TRIO: variants seen among roughly 807,000 people sequenced by gnomAD.
The protein encoded by TRIO is trio Rho guanine nucleotide exchange factor.
In TRIO, 58 loss-of-function variants were observed where a neutral mutation model predicts 351.9. The observed-to-expected ratio is 0.16, with a 90% CI of 0.13 to 0.21. TRIO has a LOEUF of 0.21. Among genes scored for constraint, TRIO ranks in the 10% least tolerant of loss-of-function variants. TRIO has a pLI of 1.00. For synonymous variants in TRIO, 1,758 were observed against 1,595.7 expected (o/e 1.10, Z -2.42); for missense variants, 3,201 against 4,027.8 (o/e 0.79, Z 5.56).
intron 4 of TRIO, among the ~76,000 whole-genome samples, chr5:14,287,669 C>T (rs991292846): frequency 6.6e-6 from 1 of 152,166 alleles, no homozygotes; most frequent in Non-Finnish European, 1.5e-5. Context: ...AACCTCCTCT[C>T]CTTAAGCTAC....
chr5:14,276,143 C>T (rs1735501886), intron 2 of TRIO, among the ~76,000 whole-genome samples: 1 of 151,622 alleles, frequency 6.6e-6, no homozygotes, highest in Non-Finnish European at 1.5e-5. Flanking sequence ...GGATTTGATG[C>T]CTTAAGGTTT....
At chr5:14,147,241 G>A (rs1472484329) in intron 1 of TRIO, among the ~76,000 whole-genome samples, 1 of 152,138 alleles carries the variant, frequency 6.6e-6, no homozygotes, top group Non-Finnish European at 1.5e-5. Flanking sequence ...GAGGTTTCAT[G>A]ACTTGCCCCC....
intron 1 of TRIO, among the ~76,000 whole-genome samples, chr5:14,159,924 T>C (rs1581249880): frequency 2.6e-5 from 4 of 152,346 alleles, no homozygotes. Context: ...GACCGAGACA[T>C]AGAGTATGTT....
At chr5:14,158,935 A>G (rs1273541651) in intron 1 of TRIO, among the ~76,000 whole-genome samples, 1 of 152,256 alleles carries the variant, frequency 6.6e-6, no homozygotes, top group Non-Finnish European at 1.5e-5. Context: ...TACTATGTAT[A>G]AGCCACTTAA....
At chr5:14,352,664 C>G (rs1481561445) in intron 11 of TRIO, among the ~76,000 whole-genome samples, 1 of 152,132 alleles carries the variant, frequency 6.6e-6, no homozygotes, top group African/African-American at 2.4e-5. Flanking sequence ...CCTGTAGGAC[C>G]AGACAGAAAA....
chr5:14,497,769 A>G lies in TRIO; in HGVS notation c.8020-78A>G. 6.3e-7 allele frequency: 1 copy of G among 1,579,178 alleles called. No homozygotes were observed. The highest frequency in any genetic ancestry group is 8.7e-7 in the Non-Finnish European group (1 of 1,149,078). ...AGTTTCTGCAAATCTTTCAACAATA[A>G]TTGTAGCCCTGGAATGAAAGGAATA... On this transcript the variant is annotated intron_variant, in intron 50 of 56. Coordinates refer to ENST00000344204, the MANE Select transcript of TRIO (RefSeq NM_007118.4). This position sits in a 1 kb window ranked among gnomAD's most constrained non-coding sequence, Gnocchi z 4.4.
chr5:14,214,074 C>A (rs1327774076), intron 1 of TRIO, among the ~76,000 whole-genome samples: 1 of 152,228 alleles, frequency 6.6e-6, no homozygotes, highest in African/African-American at 2.4e-5. Flanking sequence ...GTCAGGCAAG[C>A]CGCAGTCAGG....
At chr5:14,196,248 C>T (rs1790761444) in intron 1 of TRIO, among the ~76,000 whole-genome samples, 1 of 151,862 alleles carries the variant, frequency 6.6e-6, no homozygotes, top group African/African-American at 2.4e-5. Flanking sequence ...ATGGTGAAAA[C>T]CCCCTCTCTA....
At chr5:14,296,274 A>G (rs554888009) in intron 6 of TRIO, among the ~76,000 whole-genome samples, 3 of 152,322 alleles carry the variant, frequency 2.0e-5, no homozygotes, top group South Asian at 2.1e-4. Context: ...TAAAAAATAC[A>G]TGAACAACAG....
intron 33 of TRIO, among the ~76,000 whole-genome samples, chr5:14,411,101 C>T (rs1325992942): frequency 1.3e-5 from 2 of 152,272 alleles, no homozygotes; most frequent in South Asian, 2.1e-4. Context: ...TGGGGCACTG[C>T]AGGAGATCCA....
At chr5:14,407,113 C>T (rs545910237) in intron 33 of TRIO, among the ~76,000 whole-genome samples, 4 of 152,194 alleles carry the variant, frequency 2.6e-5, no homozygotes, top group African/African-American at 9.6e-5. Context: ...CTTACAGGTT[C>T]TGGGGATCAC....
In TRIO at chr5:14,316,638, C is replaced by T. The variant is rs764781866; in HGVS notation, c.1626C>T (p.His542=). The change falls in exon 9 of 57, where the codon CAC becomes CAT. Residue 542 remains histidine, a synonymous_variant. Coordinates refer to ENST00000344204, the MANE Select transcript of TRIO (RefSeq NM_007118.4). ...KAVHHVLDVI[H]EVLHHQRQLE... ...TGCACCATGTCCTGGATGTCATCCA[C>T]GAGGTGCTGCACCACCAGCGGCAGC... 19 of 1,614,082 alleles carry T rather than the reference C, an allele frequency of 1.2e-5. No individual in the cohort carries two copies. Among genetic ancestry groups the T allele is most frequent in the Non-Finnish European group, 1.4e-5 (16 of 1,180,042 alleles).
chr5:14,385,433 A>G (rs1228517989), intron 21 of TRIO, among the ~76,000 whole-genome samples: 1 of 152,268 alleles, frequency 6.6e-6, no homozygotes, highest in Admixed American at 6.5e-5. Context: ...ACCTAAACAC[A>G]GGCGAGGACT....
At position 14,371,952 on chromosome 5, in the gene TRIO, T is replaced by C. The variant is rs534849913; in HGVS notation, c.3217-2277T>C. Reference sequence around the variant, plus strand: ...CCTCCACACCTGGCCTATAAATGTCTTTTTATACATGGTTTTAATTAAAAT... The same window carrying C: ...CCTCCACACCTGGCCTATAAATGTCCTTTTATACATGGTTTTAATTAAAAT... On this transcript the variant is annotated intron_variant, in intron 18 of 56. Transcript: ENST00000344204. Among the ~76,000 whole-genome samples, 221 of 152,322 alleles carry C rather than the reference T, an allele frequency of 1.5e-3. 1 individual carries two copies. The highest frequency in any genetic ancestry group is 2.5e-3 in the Non-Finnish European group (169 of 68,026).
intron 8 of TRIO, among the ~76,000 whole-genome samples, chr5:14,313,163 C>A (rs1055266566): frequency 6.6e-6 from 1 of 152,196 alleles, no homozygotes; most frequent in Non-Finnish European, 1.5e-5. Context: ...TTTACTGCCG[C>A]TGTCACTATC....
intron 1 of TRIO, among the ~76,000 whole-genome samples, chr5:14,196,387 C>T (rs1790770134): frequency 1.4e-5 from 2 of 142,226 alleles, no homozygotes; most frequent in South Asian, 2.2e-4. Context: ...CACACCACTG[C>T]ACTCCAGCCT....
intron 8 of TRIO, among the ~76,000 whole-genome samples, chr5:14,315,726 G>A (rs142499677): frequency 8.1e-4 from 123 of 152,162 alleles, no homozygotes; most frequent in African/African-American, 2.6e-3. Flanking sequence ...AACATCTGGC[G>A]TAATTAATTA....
intron 34 of TRIO, among the ~76,000 whole-genome samples, chr5:14,426,456 CAG>C (rs1289799282): frequency 6.6e-6 from 1 of 152,202 alleles, no homozygotes; most frequent in African/African-American, 2.4e-5. Flanking sequence ...TATTTCCACA[CAG>C]AGGCTCCCAT....
At chr5:14,233,802 TTTTG>T (rs1179814970) in intron 1 of TRIO, among the ~76,000 whole-genome samples, 1 of 152,136 alleles carries the variant, frequency 6.6e-6, no homozygotes, top group Non-Finnish European at 1.5e-5. Context: ...GTGTTTTGTT[TTTTG>T]TTTGTTTTGA....
Sources: gnomAD v4.1 joint callset for allele counts (sites outside exome capture counted in the v4.1 genomes callset) on GRCh38, gnomAD v4.1.1 for gene constraint, Gnocchi (gnomAD v3.1) non-coding constraint, MANE v1.5 for transcripts, NCBI Gene and HGNC (gene_info 2026-07-23, HGNC 2026-07-21) for gene names.